Variants in RPH3AL observed in about 807,000 individuals in gnomAD.
The protein encoded by RPH3AL is rabphilin 3A like (without C2 domains), also known as rab effector Noc2.
RPH3AL carries 38 observed loss-of-function variants against 43.1 expected under a neutral mutation model. That is an observed-to-expected ratio of 0.88 (90% CI 0.68 to 1.15). RPH3AL has a LOEUF of 1.15. RPH3AL is among the 50% of genes most tolerant of loss of function. The probability of loss-of-function intolerance (pLI) is 0.00; values close to 1 mark genes in which losing one functional copy is unlikely to be tolerated. For missense variants in RPH3AL, 462 were observed against 423.2 expected, an observed-to-expected ratio of 1.09 and a Z score of -0.81; for synonymous variants, 189 against 176.3, an observed-to-expected ratio of 1.07 and a Z score of -0.57.
Position 281,768 on chromosome 17 carries a change from C to G in RPH3AL, c.438G>C (p.Glu146Asp). The change falls in exon 6 of 10, where the codon GAG (glutamate) becomes GAC (aspartate). Residue 146 changes from glutamate to aspartate, a missense_variant and splice_region_variant. Physicochemically the swap from Glu to Asp is conservative, Grantham distance 45. Coordinates refer to ENST00000331302, the MANE Select transcript of RPH3AL (RefSeq NM_006987.4). The part of the protein sequence containing the change: ...WLCKICSEQR[E>D]VWKRSGAWFY... ...CCCACCGTCACCCTGGACGCCCTAC[C>G]TCTCTTTGCTCACTGCAGATCTTAC... 6.2e-7 allele frequency: 1 copy of G among 1,613,514 alleles called. No individual in the cohort carries two copies. Among genetic ancestry groups the G allele is most frequent in the Non-Finnish European group, 8.5e-7 (1 of 1,179,758 alleles).
intron 5 of RPH3AL, among the ~76,000 whole-genome samples, chr17:314,116 G>A (rs1598077582): frequency 6.6e-6 from 1 of 152,166 alleles, no homozygotes; most frequent in African/African-American, 2.4e-5. Flanking sequence ...TGGCTCCAAG[G>A]AGCACCTGTA....
intron 7 of RPH3AL, among the ~76,000 whole-genome samples, chr17:237,577 CCTCT>C (rs1402670243): frequency 6.6e-6 from 1 of 152,192 alleles, no homozygotes; most frequent in Non-Finnish European, 1.5e-5. Context: ...CTTTTTGGTT[CCTCT>C]CTAAGGGCAT....
chr17:324,702 G>GCTAGCTATCTATCTATCTATCTATCTAT lies in RPH3AL; in HGVS notation c.77+2764_77+2765insATAGATAGATAGATAGATAGATAGCTAG, dbSNP rs1301592247. The stretch of plus-strand genomic sequence containing the variant: ...ATCTTTCTATCTATCTAGCTAGCTA[G>GCTAGCTATCTATCTATCTATCTATCTAT]CTATGTACCTATCTATCTATCTATC... On this transcript the variant is annotated intron_variant, in intron 3 of 9. Transcript: ENST00000331302. Among the ~76,000 whole-genome samples the GCTAGCTATCTATCTATCTATCTATCTAT allele has an allele frequency of 1.9e-3, 226 of 119,910 alleles. 1 individual carries two copies. Among genetic ancestry groups the GCTAGCTATCTATCTATCTATCTATCTAT allele is most frequent in the Middle Eastern group, 4.2e-3 (1 of 236 alleles). 78.7% of individuals were successfully genotyped at this position (119,910 alleles called of 152,430 possible). A position where few individuals can be genotyped will look rare whatever the true frequency, so the allele number is the denominator to read the frequency against.
intron 1 of RPH3AL, among the ~76,000 whole-genome samples, chr17:350,476 T>C (rs1426206941): frequency 1.3e-5 from 2 of 152,140 alleles, no homozygotes; most frequent in Non-Finnish European, 2.9e-5. Context: ...CTGGGCATGG[T>C]GGTGCATGCC....
At chr17:332,295 T>C (rs199727698) in intron 2 of RPH3AL, 66 of 198,394 alleles carry the variant, frequency 3.3e-4, no homozygotes, top group South Asian at 9.3e-4. Flanking sequence ...TGTGTGCGCG[T>C]GTGTGTGTAC....
chr17:236,187 G>A (rs916479531), intron 7 of RPH3AL, among the ~76,000 whole-genome samples: 6 of 152,230 alleles, frequency 3.9e-5, no homozygotes, highest in Admixed American at 6.5e-5. Context: ...GCTTCTCACA[G>A]CTCCTGACCC....
At chr17:321,132 G>A (rs2044458605) in intron 4 of RPH3AL, 140 bp downstream of exon 4, 2 of 1,068,392 alleles carry the variant, frequency 1.9e-6, no homozygotes, top group African/African-American at 3.2e-5. Flanking sequence ...CTTCAGCAAG[G>A]GCTGGAGTCA....
rs182695940 is a variant in RPH3AL at position 215,675 on chromosome 17, G to T, written c.855C>A (p.Pro285=). The change falls in exon 9 of 10, where the codon CCC becomes CCA. Residue 285 remains proline, a synonymous_variant. Coordinates refer to ENST00000331302, the MANE Select transcript of RPH3AL (RefSeq NM_006987.4). The surrounding 1 kb of genome is among the most constrained non-coding windows in gnomAD (Gnocchi z 4.1). ...TCACCGGGGCCCTTCGGGTCAGCCC[G>T]GGGCGGGGTCCCCCTGGCGGGTCAG... ...GSADPPGGPR[P]GLTRRAPVKD... The T allele has an allele frequency of 7.8e-7, 1 of 1,276,586 alleles. No individual in the cohort carries two copies. Among genetic ancestry groups the T allele is most frequent in the Non-Finnish European group, 9.9e-7 (1 of 1,006,326 alleles). The allele number at this position is 1,276,586 out of a possible 1,614,324, so 79.1% of individuals were successfully genotyped here.
In RPH3AL at chr17:225,362, T is replaced by C. The variant is rs1367612900; in HGVS notation, c.614-5626A>G. Among the ~76,000 whole-genome samples the C allele has an allele frequency of 2.0e-5, 3 of 152,210 alleles. No homozygotes were observed. The highest frequency in any genetic ancestry group is 1.3e-4 in the Admixed American group (2 of 15,282). ...TATTTTGCAGTTGTTTTTCGGGTCC[T>C]GGACTGAGCTGCTTTGATCATGAAT... On this transcript the variant is annotated intron_variant, in intron 7 of 9. Coordinates refer to ENST00000331302, the MANE Select transcript of RPH3AL (RefSeq NM_006987.4). This position sits in a 1 kb window ranked among gnomAD's most constrained non-coding sequence, Gnocchi z 4.4.
intron 6 of RPH3AL, among the ~76,000 whole-genome samples, chr17:277,960 AAC>A (rs1207274379): frequency 3.3e-5 from 5 of 151,984 alleles, no homozygotes; most frequent in Non-Finnish European, 5.9e-5. Flanking sequence ...GTCTCAAAAA[AAC>A]AAAACAAATA....
At chr17:350,076 C>A (rs1164063992) in intron 1 of RPH3AL, among the ~76,000 whole-genome samples, 1 of 151,468 alleles carries the variant, frequency 6.6e-6, no homozygotes, top group African/African-American at 2.4e-5. Flanking sequence ...AGCTAACCAG[C>A]GGTTTAATTT....
At chr17:301,071 C>T (rs932185209) in intron 5 of RPH3AL, among the ~76,000 whole-genome samples, 1 of 152,272 alleles carries the variant, frequency 6.6e-6, no homozygotes, top group Non-Finnish European at 1.5e-5. Flanking sequence ...GCCTCAGGCC[C>T]ACTCTGTAGG....
intron 5 of RPH3AL, among the ~76,000 whole-genome samples, chr17:306,263 C>T (rs1391114938): frequency 6.6e-6 from 1 of 151,954 alleles, no homozygotes; most frequent in East Asian, 1.9e-4. Flanking sequence ...ACATGCCCCA[C>T]GAGCCCCTTC....
intron 6 of RPH3AL, among the ~76,000 whole-genome samples, chr17:262,509 C>T (rs982611517): frequency 2.2e-4 from 34 of 152,208 alleles, no homozygotes; most frequent in South Asian, 1.7e-3. Context: ...CCACCGCACC[C>T]GGCCAACAAA....
intron 5 of RPH3AL, among the ~76,000 whole-genome samples, chr17:317,621 C>G (rs1267050925): frequency 1.1e-4 from 17 of 152,234 alleles, no homozygotes; most frequent in Non-Finnish European, 1.5e-5. Context: ...ACCCAGGCCC[C>G]CATCTCCCCT....
At chr17:236,897 G>A (rs181879675) in intron 7 of RPH3AL, among the ~76,000 whole-genome samples, 6 of 152,390 alleles carry the variant, frequency 3.9e-5, no homozygotes, top group Non-Finnish European at 8.8e-5. Context: ...GGGATCCTGG[G>A]CCCTCTTGGG....
rs1178613318 is a variant in RPH3AL at position 292,612 on chromosome 17, AGCCGGGCCTGGCT to A, written c.352-10771_352-10759del. 3.9e-5 allele frequency among the ~76,000 whole-genome samples: 6 copies of A among 152,244 alleles called. No individual in the cohort carries two copies. In the East Asian group the frequency reaches 1.2e-3, roughly 29 times the overall value. On this transcript the variant is annotated intron_variant, in intron 5 of 9. Transcript: ENST00000331302. ...CTCGGTCCCGGGCTCCTGCTGCCCC[AGCCGGGCCTGGCT>A]GCCTGGCTAGCACACTCTTGCAGGC... is the stretch of plus-strand genomic sequence containing the variant.
At chr17:266,204 G>GTGTA (rs1491364398) in intron 6 of RPH3AL, among the ~76,000 whole-genome samples, 2 of 98,540 alleles carry the variant, frequency 2.0e-5, no homozygotes, top group African/African-American at 9.6e-5. Context: ...GGCCCCAGTG[G>GTGTA]TGTGTGTGTG....
In RPH3AL at chr17:297,794, AG is replaced by A. The variant is rs750711156; in HGVS notation, c.352-15941del. 7.0e-4 allele frequency among the ~76,000 whole-genome samples: 107 copies of A among 152,248 alleles called. 1 individual carries two copies. Among genetic ancestry groups the A allele is most frequent in the Middle Eastern group, 6.8e-3 (2 of 294 alleles). On this transcript the variant is annotated intron_variant, in intron 5 of 9. Coordinates refer to ENST00000331302, the MANE Select transcript of RPH3AL (RefSeq NM_006987.4). ...CTTCCCTAGAATCTGGTGAAGAGCA[AG>A]GTTGGTCACAGGTCAGGGCTGATGT...
Sources: gnomAD v4.1 joint callset for allele counts (sites outside exome capture counted in the v4.1 genomes callset) on GRCh38, gnomAD v4.1.1 for gene constraint, Gnocchi (gnomAD v3.1) non-coding constraint, MANE v1.5 for transcripts, NCBI Gene and HGNC (gene_info 2026-07-23, HGNC 2026-07-21) for gene names.